Variants in DGKK observed in about 807,000 individuals in gnomAD.
DGKK encodes 142 kDa diacylglycerol kinase.
In DGKK, 35 loss-of-function variants were observed where a neutral mutation model predicts 92.2. That is an observed-to-expected ratio of 0.38 (90% CI 0.29 to 0.50). The LOEUF is 0.50. Ranked by LOEUF, DGKK falls within the 20% of genes least tolerant of loss-of-function variation. The pLI, the probability that DGKK is intolerant of heterozygous loss-of-function variation, is 0.92. For synonymous variants in DGKK, 368 were observed against 360.6 expected (o/e 1.02, Z -0.23); for missense variants, 910 against 992.2 (o/e 0.92, Z 1.11).
chrX:50,407,475 CAGAG>C (rs781961955), intron 4 of DGKK, among the ~76,000 whole-genome samples: 1 of 107,858 alleles, frequency 9.3e-6, no homozygotes, highest in African/African-American at 3.4e-5. Context: ...CGTGTGCATG[CAGAG>C]AGAGAGAGAG....
Position 50,401,053 on chromosome X carries a change from G to T in DGKK, c.1395C>A (p.Ser465Arg). 5 of 1,198,911 alleles carry T rather than the reference G, an allele frequency of 4.2e-6. No individual in the cohort carries two copies. The highest frequency in any genetic ancestry group is 5.6e-6 in the Non-Finnish European group (5 of 888,741). ...RSSVIPPTAL[S>R]DPKGDGQLVV... Reference sequence around the variant, plus strand: ...ACTACTCACCATCGCCTTTGGGGTCGCTTAGAGCAGTGGGAGGAATGACTG... The same window carrying T: ...ACTACTCACCATCGCCTTTGGGGTCTCTTAGAGCAGTGGGAGGAATGACTG... Residue 465 changes from serine (S) to arginine (R), a missense_variant, in exon 8 of 28, where the codon AGC becomes AGA. Physicochemically the swap from Ser to Arg is moderately radical, Grantham distance 110. Coordinates refer to ENST00000611977, the MANE Select transcript of DGKK (RefSeq NM_001013742.4).
At chrX:50,407,850 G>A (rs1220952429) in intron 4 of DGKK, among the ~76,000 whole-genome samples, 3 of 112,387 alleles carry the variant, frequency 2.7e-5, no homozygotes, top group African/African-American at 9.7e-5. Context: ...ACCTGGCTCC[G>A]ATTAACCACT....
At chrX:50,404,461 T>G (rs1002740225) in intron 4 of DGKK, among the ~76,000 whole-genome samples, 8 of 106,731 alleles carry the variant, frequency 7.5e-5, no homozygotes, top group Non-Finnish European at 1.4e-4. Context: ...TTTTTTTTTT[T>G]TTTGAGAGGA....
At chrX:50,408,193 G>A (rs1482661023) in intron 4 of DGKK, among the ~76,000 whole-genome samples, 1 of 111,461 alleles carries the variant, frequency 9.0e-6, no homozygotes, top group Non-Finnish European at 1.9e-5. Flanking sequence ...AGGTGGGGCT[G>A]TCTCCTTGGT....
chrX:50,392,409 C>T lies in DGKK; in HGVS notation c.1636G>A (p.Val546Ile). ...CTCACGCTGCCATCTCCACCACAAA[C>T]CAGAATGCGAAAGCGAGCAAAGTTC... ...FKNFARFRIL[V>I]CGGDGSVSWV... is the part of the protein sequence containing the mutation. Residue 546 changes from valine to isoleucine, a missense_variant, in exon 10 of 28, where the codon GTT becomes ATT. Coordinates refer to ENST00000611977, the MANE Select transcript of DGKK (RefSeq NM_001013742.4). The T allele has an allele frequency of 8.3e-7, 1 of 1,211,632 alleles. No individual in the cohort carries two copies. The highest frequency in any genetic ancestry group is 1.1e-6 in the Non-Finnish European group (1 of 895,152).
chrX:50,371,736 G>T lies in DGKK; in HGVS notation c.3600C>A (p.Ile1200=). 8.3e-7 allele frequency: 1 copy of T among 1,200,417 alleles called. No homozygotes were observed. Among genetic ancestry groups the T allele is most frequent in the Non-Finnish European group, 1.1e-6 (1 of 887,142 alleles). ...CAAGATTACGCACCTCTGGAACAAA[G>T]ATTGGATTCATCCAGTCAATCTCAG... ...KLSEIDWMNP[I]FVPEEKSSDT... is the part of the protein sequence containing the mutation. The change falls in exon 26 of 28, where the codon ATC becomes ATA. Residue 1200 remains isoleucine (I), a synonymous_variant. Coordinates refer to ENST00000611977, the MANE Select transcript of DGKK (RefSeq NM_001013742.4).
chrX:50,377,053 G>C, intron 22 of DGKK, 135 bp from the exon 23 acceptor site: 1 of 529,885 alleles, frequency 1.9e-6, no homozygotes, highest in Non-Finnish European at 2.9e-6. Context: ...AGGGCCCCCT[G>C]TCCATTCCCC....
In DGKK at chrX:50,366,458, G is replaced by C. The variant is rs1197464312; in HGVS notation, c.*2482C>G. On this transcript the variant is annotated 3_prime_UTR_variant, in exon 28 of 28. Coordinates refer to ENST00000611977, the MANE Select transcript of DGKK (RefSeq NM_001013742.4). ...CATTCTGACTCAGAGTGGGAGGACA[G>C]GGTAGGTGAAAGGGAATCCACATGG... is the stretch of plus-strand genomic sequence containing the variant. 1 of 111,821 alleles carries C rather than the reference G, an allele frequency of 8.9e-6. No individual in the cohort carries two copies. The highest frequency in any genetic ancestry group is 1.9e-5 in the Non-Finnish European group (1 of 53,239). The allele number at this position is 111,821 out of a possible 1,213,427, so 9.2% of individuals were successfully genotyped here. A position where few individuals can be genotyped will look rare whatever the true frequency, so the allele number is the denominator to read the frequency against.
chrX:50,382,466 C>A, intron 18 of DGKK, 30 bp downstream of exon 18: 1 of 1,041,484 alleles, frequency 9.6e-7, no homozygotes, highest in Non-Finnish European at 1.3e-6. Context: ...AGTGTGTTTG[C>A]ATGTAGGGAA....
At chrX:50,387,016 C>T (rs1479880687) in intron 14 of DGKK, among the ~76,000 whole-genome samples, 1 of 111,178 alleles carries the variant, frequency 9.0e-6, no homozygotes, top group Non-Finnish European at 1.9e-5. Flanking sequence ...TGGGGACCTA[C>T]ATCTGCTGCA....
Position 50,420,917 on chromosome X carries a change from C to A in DGKK, c.838-410G>T, listed in dbSNP as rs143698865. ...CTAAACCAGAATTGAAATCCAGATT[C>A]TTTGGCTTCAGAATTCATTCTTTTA... is the stretch of plus-strand genomic sequence containing the variant. On this transcript the variant is annotated intron_variant, in intron 3 of 27. Coordinates refer to ENST00000611977, the MANE Select transcript of DGKK (RefSeq NM_001013742.4). Among the ~76,000 whole-genome samples the A allele has an allele frequency of 7.8e-3, 875 of 111,638 alleles. 11 individuals are homozygous for A. The highest frequency in any genetic ancestry group is 0.028 in the African/African-American group (851 of 30,721).
intron 1 of DGKK, among the ~76,000 whole-genome samples, chrX:50,469,567 G>T (rs1319977395): frequency 2.7e-5 from 3 of 112,269 alleles, no homozygotes; most frequent in Non-Finnish European, 5.7e-5. Flanking sequence ...CAGGGAGGGG[G>T]CCAAGCAGGC....
At chrX:50,382,661 A>G (rs782529735) in intron 17 of DGKK, 58 bp from the exon 18 acceptor site, 62 of 953,120 alleles carry the variant, frequency 6.5e-5, no homozygotes, top group African/African-American at 5.8e-4. Flanking sequence ...GCCGCTATCA[A>G]TTGGGCATGA....
chrX:50,375,806 A>G (rs1354193413), intron 24 of DGKK, among the ~76,000 whole-genome samples: 1 of 111,571 alleles, frequency 9.0e-6, no homozygotes, highest in Non-Finnish European at 1.9e-5. Flanking sequence ...GAAGAGGGCT[A>G]GCTCTCAGGC....
intron 4 of DGKK, among the ~76,000 whole-genome samples, chrX:50,408,675 G>A (rs1001771002): frequency 1.8e-5 from 2 of 111,462 alleles, no homozygotes; most frequent in Admixed American, 9.4e-5. Flanking sequence ...GAGCCACCGC[G>A]CCCGGCCATT....
chrX:50,378,356 A>G, intron 21 of DGKK, 124 bp from the exon 22 acceptor site: 3 of 967,440 alleles, frequency 3.1e-6, no homozygotes, highest in Non-Finnish European at 4.2e-6. Context: ...GATGTGAATC[A>G]GATCATCCCA....
In DGKK at chrX:50,388,530, G is replaced by A; in HGVS notation, c.2015C>T (p.Thr672Ile). The change falls in exon 13 of 28, where the codon ACC becomes ATC. Residue 672 changes from threonine to isoleucine, a missense_variant. Coordinates refer to ENST00000611977, the MANE Select transcript of DGKK (RefSeq NM_001013742.4). ...TGAGAGCCAAAGGAAGACTGACCTGGTTGCGATGATCATCTCTGTGGGGTA... is the reference window on the plus strand; with the variant it reads ...TGAGAGCCAAAGGAAGACTGACCTGATTGCGATGATCATCTCTGTGGGGTA... ...AKYPTEMIIATRFLCSAVEDF... is the reference protein window; with the variant it reads ...AKYPTEMIIAIRFLCSAVEDF... 8.3e-7 allele frequency: 1 copy of A among 1,202,534 alleles called. No homozygotes were observed. Among genetic ancestry groups the A allele is most frequent in the Non-Finnish European group, 1.1e-6 (1 of 889,064 alleles).
chrX:50,418,557 G>T (rs782299375), intron 4 of DGKK, among the ~76,000 whole-genome samples: 33 of 111,801 alleles, frequency 3.0e-4, no homozygotes, highest in Middle Eastern at 9.3e-3. Flanking sequence ...TAGAGATAAG[G>T]CACATATGGG....
intron 7 of DGKK, among the ~76,000 whole-genome samples, chrX:50,402,112 T>G (rs190196986): frequency 1.7e-4 from 19 of 111,717 alleles, no homozygotes; most frequent in African/African-American, 5.9e-4. Flanking sequence ...AGTGTTGTAG[T>G]TAAGAGTGTG....
Sources: gnomAD v4.1 joint callset for allele counts (sites outside exome capture counted in the v4.1 genomes callset) on GRCh38, gnomAD v4.1.1 for gene constraint, MANE v1.5 for transcripts, NCBI Gene and HGNC (gene_info 2026-07-23, HGNC 2026-07-21) for gene names.